Variants in PPFIA2 observed in about 807,000 individuals in gnomAD.
PPFIA2 encodes the protein liprin-alpha-2.
PPFIA2 carries 46 observed loss-of-function variants against 175.5 expected under a neutral mutation model. That is an observed-to-expected ratio of 0.26 (90% confidence interval 0.21 to 0.34). The LOEUF (loss-of-function observed/expected upper bound fraction) is 0.34. PPFIA2 is among the 10% of genes least tolerant of loss of function. The pLI is 1.00. For synonymous variants in PPFIA2, 568 were observed against 511.4 expected, an observed-to-expected ratio of 1.11 and a Z score of -1.49; for missense variants, 1,179 against 1,506.1, an observed-to-expected ratio of 0.78 and a Z score of 3.60.
intron 4 of PPFIA2, among the ~76,000 whole-genome samples, chr12:81,480,970 T>G (rs2058141138): frequency 1.3e-5 from 2 of 152,192 alleles, no homozygotes; most frequent in Non-Finnish European, 2.9e-5. Flanking sequence ...GCAGATGACA[T>G]AATTGTATAT....
At position 81,262,821 on chromosome 12, in the gene PPFIA2, T is replaced by C. The variant is rs183441001; in HGVS notation, c.3715+410A>G. On this transcript the variant is annotated intron_variant, in intron 31 of 32. Transcript: ENST00000549396. ...TGATGAGTGAATTTCTAAGATGACA[T>C]ATAAAACTCGCAGTATTTAAACATG... Among the ~76,000 whole-genome samples the C allele has an allele frequency of 4.9e-4, 74 of 152,310 alleles. 1 individual carries two copies. Among genetic ancestry groups the C allele is most frequent in the Admixed American group, 2.7e-3 (42 of 15,298 alleles).
chr12:81,458,335 T>A (rs982886309), intron 4 of PPFIA2, among the ~76,000 whole-genome samples: 2 of 69,294 alleles, frequency 2.9e-5, no homozygotes, highest in East Asian at 5.7e-4. Flanking sequence ...AGCAGAGGAA[T>A]CTACCTTTTT....
intron 4 of PPFIA2, among the ~76,000 whole-genome samples, chr12:81,570,683 A>T (rs998489861): frequency 2.0e-5 from 3 of 149,990 alleles, no homozygotes; most frequent in African/African-American, 7.3e-5. Flanking sequence ...TCCTTTAAAA[A>T]ATAATTTTAT....
At chr12:81,616,506 T>C (rs1179988110) in intron 4 of PPFIA2, among the ~76,000 whole-genome samples, 1 of 152,162 alleles carries the variant, frequency 6.6e-6, no homozygotes, top group Non-Finnish European at 1.5e-5. Context: ...ATATTGACAC[T>C]GAATTATTAA....
At chr12:81,470,978 C>T (rs1224701484) in intron 4 of PPFIA2, among the ~76,000 whole-genome samples, 1 of 152,102 alleles carries the variant, frequency 6.6e-6, no homozygotes, top group Non-Finnish European at 1.5e-5. Context: ...ATTTTAGATG[C>T]CACATATGTG....
intron 24 of PPFIA2, chr12:81,294,469 GGAAGGAAGGAAGGAAGGAAA>G (rs1162085177): frequency 1.1e-5 from 2 of 184,000 alleles, no homozygotes; most frequent in Admixed American, 6.3e-5. Flanking sequence ...AAGGAAGGAA[GGAAGGAAGGAAGGAAGGAAA>G]GAAGGAAGGA....
intron 4 of PPFIA2, among the ~76,000 whole-genome samples, chr12:81,482,743 G>T (rs1222485111): frequency 6.6e-6 from 1 of 152,146 alleles, no homozygotes; most frequent in Non-Finnish European, 1.5e-5. Context: ...GTCAGCCAGT[G>T]GGGGATAGGG....
intron 3 of PPFIA2, among the ~76,000 whole-genome samples, chr12:81,717,836 G>C (rs1442103106): frequency 6.6e-6 from 1 of 151,540 alleles, no homozygotes; most frequent in East Asian, 2.0e-4. Context: ...CAGGAGGAGG[G>C]GAATGGGGAA....
At position 81,643,299 on chromosome 12, in the gene PPFIA2, T is replaced by C. The variant is rs1196984080; in HGVS notation, c.303+33492A>G. Among the ~76,000 whole-genome samples, 4 of 151,676 alleles carry C rather than the reference T, an allele frequency of 2.6e-5. No individual in the cohort carries two copies. In the East Asian group the frequency reaches 7.7e-4, roughly 29 times the overall value. ...CAATAGACATCAAGAAACTGAAAAA[T>C]AAACACCAAAGACCCCTCAACCACT... On this transcript the variant is annotated intron_variant, in intron 4 of 32. Transcript: ENST00000549396.
chr12:81,431,204 T>C (rs1333523807), intron 7 of PPFIA2: 1 of 152,220 alleles, frequency 6.6e-6, no homozygotes, highest in Non-Finnish European at 1.5e-5. Context: ...TTACAGGTGC[T>C]TCTGAATAAT....
intron 4 of PPFIA2, among the ~76,000 whole-genome samples, chr12:81,539,337 C>T (rs991079901): frequency 2.0e-5 from 3 of 151,734 alleles, no homozygotes; most frequent in Admixed American, 6.6e-5. Flanking sequence ...TTTAAAGTCA[C>T]GAGGTTGGGT....
chr12:81,349,906 T>C (rs1266586801), intron 17 of PPFIA2, among the ~76,000 whole-genome samples: 1 of 152,214 alleles, frequency 6.6e-6, no homozygotes, highest in African/African-American at 2.4e-5. Context: ...GATTAGTTTA[T>C]GAAAGAAGAA....
At chr12:81,378,391 A>T (rs796435960) in intron 9 of PPFIA2, among the ~76,000 whole-genome samples, 58 of 152,256 alleles carry the variant, frequency 3.8e-4, no homozygotes, top group African/African-American at 1.3e-3. Context: ...TGTTGACATT[A>T]AAGTGCAAAC....
intron 8 of PPFIA2, among the ~76,000 whole-genome samples, chr12:81,393,389 A>G (rs2040511951): frequency 6.6e-6 from 1 of 152,116 alleles, no homozygotes. Flanking sequence ...AAAATAAAGA[A>G]TCAACACTAG....
intron 3 of PPFIA2, among the ~76,000 whole-genome samples, chr12:81,747,113 G>A (rs2083167471): frequency 6.9e-6 from 1 of 143,908 alleles, no homozygotes; most frequent in Non-Finnish European, 1.6e-5. Context: ...CAGAAAGCAA[G>A]CAGATATTTT....
At chr12:81,375,497 T>G (rs1185059387) in intron 10 of PPFIA2, among the ~76,000 whole-genome samples, 1 of 152,108 alleles carries the variant, frequency 6.6e-6, no homozygotes, top group Non-Finnish European at 1.5e-5. Flanking sequence ...ACCTACTTCA[T>G]AGGTGGTGGT....
At chr12:81,531,032 T>G (rs2153276804) in intron 4 of PPFIA2, among the ~76,000 whole-genome samples, 1 of 152,042 alleles carries the variant, frequency 6.6e-6, no homozygotes, top group African/African-American at 2.4e-5. Context: ...AACATCATAA[T>G]AAATTTTTTA....
At chr12:81,350,056 C>T (rs17008424) in intron 17 of PPFIA2, among the ~76,000 whole-genome samples, 2 of 152,084 alleles carry the variant, frequency 1.3e-5, no homozygotes, top group Admixed American at 1.3e-4. Context: ...TATTAACCTA[C>T]TGGCCAAGAT....
intron 4 of PPFIA2, among the ~76,000 whole-genome samples, chr12:81,475,345 T>A (rs1286466488): frequency 6.6e-6 from 1 of 152,184 alleles, no homozygotes; most frequent in Non-Finnish European, 1.5e-5. Flanking sequence ...GAACAAAAAA[T>A]TTGTTCCTGA....
Sources: gnomAD v4.1 joint callset for allele counts (sites outside exome capture counted in the v4.1 genomes callset) on GRCh38, gnomAD v4.1.1 for gene constraint, MANE v1.5 for transcripts, NCBI Gene and HGNC (gene_info 2026-07-23, HGNC 2026-07-21) for gene names.